Variants in NUP160 observed in about 807,000 individuals in gnomAD.
The protein encoded by NUP160 is nucleoporin 160.
NUP160 carries 94 observed loss-of-function variants against 196.9 expected under a neutral mutation model. The ratio of observed to expected loss-of-function variants is 0.48; its 90% CI spans 0.40 to 0.57. The LOEUF (loss-of-function observed/expected upper bound fraction) is 0.57. NUP160 is among the 20% of genes least tolerant of loss of function. NUP160 has a pLI of 0.00. For synonymous variants in NUP160, 605 were observed against 619.7 expected (o/e 0.98, Z 0.35); for missense variants, 1,638 against 1,748.3 (o/e 0.94, Z 1.13).
At chr11:47,814,474 G>A (rs10458914) in intron 13 of NUP160, among the ~76,000 whole-genome samples, 33,417 of 151,256 alleles carry the variant, frequency 0.22, 4,727 homozygotes, top group South Asian at 0.46. Context: ...TCAGTAGGCG[G>A]AGGTTGCAGT....
chr11:47,788,643 C>A, intron 29 of NUP160, 32 bp from the exon 30 acceptor site: 1 of 1,376,642 alleles, frequency 7.3e-7, no homozygotes, highest in South Asian at 1.2e-5. Context: ...TTTGAACTCC[C>A]AAAATACAAA....
chr11:47,807,142 T>C lies in NUP160; in HGVS notation c.2376-2A>G, dbSNP rs2097678195. ...GATAAGTGTTGGAGATTAGACTCCC[T>C]GTGAGAAAAGGGGAAAAGACAGCTT... On this transcript the variant is annotated splice_acceptor_variant, in intron 18 of 35. Transcript: ENST00000378460. LOFTEE classifies it high-confidence loss of function. 2 of 1,603,490 alleles carry C rather than the reference T, an allele frequency of 1.2e-6. No individual in the cohort carries two copies. Among genetic ancestry groups the C allele is most frequent in the Non-Finnish European group, 1.7e-6 (2 of 1,170,876 alleles).
At chr11:47,809,141 C>T (rs1355667853) in intron 17 of NUP160, among the ~76,000 whole-genome samples, 1 of 151,154 alleles carries the variant, frequency 6.6e-6, no homozygotes, top group Non-Finnish European at 1.5e-5. Context: ...GTGGTATGTG[C>T]CTGTAGTCCC....
chr11:47,778,561 A>G (rs1475043954), exon 36 of NUP160: 1 of 152,674 alleles, frequency 6.5e-6, no homozygotes, highest in South Asian at 2.1e-4. Context: ...GGCTTAATCT[A>G]GGCAAATTAT....
intron 17 of NUP160, among the ~76,000 whole-genome samples, chr11:47,810,882 A>G (rs1456089663): frequency 6.6e-6 from 1 of 152,142 alleles, no homozygotes; most frequent in African/African-American, 2.4e-5. Flanking sequence ...GTATAAGTAC[A>G]TTTATACATT....
At chr11:47,812,917 T>C in exon 15 of NUP160, 1 of 1,613,628 alleles carries the variant, frequency 6.2e-7, no homozygotes, top group East Asian at 2.2e-5. Context: ...GAATCTGCTC[T>C]GCAGCCTTTT....
intron 3 of NUP160, 140 bp from the exon 4 acceptor site, chr11:47,840,205 C>T: frequency 1.2e-6 from 1 of 845,852 alleles, no homozygotes; most frequent in Non-Finnish European, 1.9e-6. Flanking sequence ...AAAACTAATT[C>T]TCAACTTAAA....
At chr11:47,786,326 C>A in intron 32 of NUP160, 127 bp downstream of exon 32, 1 of 542,110 alleles carries the variant, frequency 1.8e-6, no homozygotes. Flanking sequence ...CTTTCCAGCC[C>A]CTATAAAAAC....
intron 7 of NUP160, among the ~76,000 whole-genome samples, chr11:47,826,273 G>A (rs377547973): frequency 7.7e-4 from 117 of 152,246 alleles, no homozygotes; most frequent in African/African-American, 2.8e-3. Flanking sequence ...AGGCCCAGCC[G>A]AAGATCAGTT....
intron 2 of NUP160, among the ~76,000 whole-genome samples, 200 bp downstream of exon 2, chr11:47,847,648 T>TGGGGGGGGGGGGGGGGGGGGGGG (rs56283744): frequency 2.6e-5 from 2 of 77,464 alleles, no homozygotes; most frequent in Admixed American, 1.6e-4. Flanking sequence ...TGTGTGGGGG[T>TGGGGGGGGGGGGGGGGGGGGGGG]GGGGGGGGGG....
In NUP160 at chr11:47,817,929, C is replaced by T; in HGVS notation, c.1431+127G>A. On this transcript the variant is annotated intron_variant, in intron 11 of 35. Transcript: ENST00000378460. ...ATTAAAAAAATTATAAAAGTATTTACAAACACACATATGTATGAATACAGA... is the reference window on the plus strand; with the variant it reads ...ATTAAAAAAATTATAAAAGTATTTATAAACACACATATGTATGAATACAGA... 4 of 543,996 alleles carry T rather than the reference C, an allele frequency of 7.4e-6. No homozygotes were observed. The East Asian group carries it at 1.2e-4, about 16-fold the overall frequency. The allele number at this position is 543,996 out of a possible 1,614,324, so 33.7% of individuals were successfully genotyped here. A position where few individuals can be genotyped will look rare whatever the true frequency, so the allele number is the denominator to read the frequency against.
chr11:47,828,622 A>G (rs544078091), intron 7 of NUP160, among the ~76,000 whole-genome samples: 18 of 152,332 alleles, frequency 1.2e-4, no homozygotes, highest in African/African-American at 4.1e-4. Context: ...GGGACCCAGA[A>G]TAGCCAAAAC....
At chr11:47,807,206 C>T in intron 18 of NUP160, 66 bp from the exon 19 acceptor site, 1 of 983,356 alleles carries the variant, frequency 1.0e-6, no homozygotes, top group South Asian at 1.4e-5. Flanking sequence ...TCTACAAGCT[C>T]TTCTACGAAG....
At chr11:47,784,048 C>A (rs960857537) in intron 33 of NUP160, among the ~76,000 whole-genome samples, 1 of 151,490 alleles carries the variant, frequency 6.6e-6, no homozygotes, top group African/African-American at 2.4e-5. Flanking sequence ...CAAAACAAAA[C>A]AAAACAAAAA....
exon 36 of NUP160, chr11:47,778,403 A>ATAAATCATAGAAG (rs1379033388): frequency 1.3e-5 from 2 of 152,664 alleles, no homozygotes; most frequent in African/African-American, 4.8e-5. Flanking sequence ...CTTGATTATC[A>ATAAATCATAGAAG]TAAATCATAG....
intron 5 of NUP160, 40 bp downstream of exon 5, chr11:47,837,505 A>G: frequency 2.7e-6 from 4 of 1,475,528 alleles, no homozygotes; most frequent in Non-Finnish European, 3.8e-6. Context: ...AAAAGATTAA[A>G]TTCTTGGGCC....
chr11:47,832,169 G>C (rs981142173), intron 7 of NUP160, among the ~76,000 whole-genome samples: 15 of 151,972 alleles, frequency 9.9e-5, no homozygotes, highest in African/African-American at 3.1e-4. Context: ...CAAAGTGTTG[G>C]GATTACAGGC....
At chr11:47,782,307 TA>T (rs2097661777) in intron 34 of NUP160, among the ~76,000 whole-genome samples, 2 of 9,950 alleles carry the variant, frequency 2.0e-4, no homozygotes, top group African/African-American at 9.9e-4. Context: ...AAAAAAAATA[TA>T]TATATATATA....
chr11:47,822,786 TTCAA>T (rs1851890009), intron 7 of NUP160, among the ~76,000 whole-genome samples: 1 of 152,188 alleles, frequency 6.6e-6, no homozygotes, highest in African/African-American at 2.4e-5. Context: ...GTTCTCATTG[TTCAA>T]TTCCCACCTA....
Sources: gnomAD v4.1 joint callset for allele counts (sites outside exome capture counted in the v4.1 genomes callset) on GRCh38, gnomAD v4.1.1 for gene constraint, MANE v1.5 for transcripts, NCBI Gene and HGNC (gene_info 2026-07-23, HGNC 2026-07-21) for gene names.